Variants in BCL7B observed in about 807,000 individuals in gnomAD.
BCL7B encodes the protein BAF chromatin remodeling complex subunit BCL7B.
BCL7B carries 11 observed loss-of-function variants against 26.5 expected under a neutral mutation model. That is an observed-to-expected ratio of 0.42 (90% confidence interval 0.26 to 0.69). The LOEUF (loss-of-function observed/expected upper bound fraction) is 0.69. Ranked by LOEUF, BCL7B falls within the 30% of genes least tolerant of loss-of-function variation. The probability of loss-of-function intolerance (pLI) is 0.28; values close to 1 mark genes in which losing one functional copy is unlikely to be tolerated. For synonymous variants in BCL7B, 111 were observed against 107.9 expected (o/e 1.03, Z -0.18); for missense variants, 215 against 264.4 (o/e 0.81, Z 1.30).
At chr7:73,540,752 C>A (rs1554582764) in intron 3 of BCL7B, among the ~76,000 whole-genome samples, 1 of 139,622 alleles carries the variant, frequency 7.2e-6, no homozygotes, top group Non-Finnish European at 1.5e-5. Flanking sequence ...ATGGCATGAA[C>A]CTAGAAGGCA....
At chr7:73,557,194 G>C (rs950721309) in intron 1 of BCL7B, 1 of 1,037,938 alleles carries the variant, frequency 9.6e-7, no homozygotes, top group African/African-American at 1.7e-5. Context: ...CCGGGCGCGG[G>C]CACCGACGCC....
intron 1 of BCL7B, 36 bp from the exon 2 acceptor site, chr7:73,552,278 A>G: frequency 4.0e-6 from 6 of 1,509,274 alleles, no homozygotes; most frequent in Non-Finnish European, 4.6e-6. Context: ...GGATAAAACA[A>G]TGCAATGTGT....
At chr7:73,556,877 G>C (rs1221367174) in intron 1 of BCL7B, among the ~76,000 whole-genome samples, 1 of 152,224 alleles carries the variant, frequency 6.6e-6, no homozygotes, top group Admixed American at 6.5e-5. Flanking sequence ...AGGGAGGCTG[G>C]TACATAGTTT....
intron 3 of BCL7B, chr7:73,542,970 C>A (rs1583989515): frequency 5.4e-6 from 2 of 368,698 alleles, no homozygotes; most frequent in East Asian, 1.5e-4. Flanking sequence ...ATTCGGACAA[C>A]CAGGACCTGA....
intron 2 of BCL7B, chr7:73,543,906 TC>T (rs1380394427): frequency 2.6e-6 from 1 of 379,232 alleles, no homozygotes; most frequent in Non-Finnish European, 4.9e-6. Context: ...GACTAGAACA[TC>T]CCATAGTATC....
intron 2 of BCL7B, among the ~76,000 whole-genome samples, chr7:73,551,403 G>A (rs1792164530): frequency 6.6e-6 from 1 of 152,098 alleles, no homozygotes; most frequent in Non-Finnish European, 1.5e-5. Context: ...AGGTTCAAGC[G>A]ATTCTCCTTG....
intron 4 of BCL7B, among the ~76,000 whole-genome samples, chr7:73,539,286 C>G (rs1033249391): frequency 6.8e-6 from 1 of 147,070 alleles, no homozygotes; most frequent in African/African-American, 2.5e-5. Flanking sequence ...GAGTCTCACT[C>G]TGTTGCCCAG....
chr7:73,552,928 GTT>G (rs1480272369), intron 1 of BCL7B, among the ~76,000 whole-genome samples: 1 of 151,806 alleles, frequency 6.6e-6, no homozygotes, highest in Non-Finnish European at 1.5e-5. Flanking sequence ...CCTTTTCTTT[GTT>G]TGTTTTAGTG....
At chr7:73,537,856 A>C in intron 5 of BCL7B, 78 bp downstream of exon 5, 1 of 1,035,344 alleles carries the variant, frequency 9.7e-7, no homozygotes. Context: ...GCACCACTGC[A>C]CTCTAGTCTG....
chr7:73,540,976 G>A (rs1329107538), intron 3 of BCL7B, among the ~76,000 whole-genome samples: 2 of 151,182 alleles, frequency 1.3e-5, no homozygotes, highest in African/African-American at 2.4e-5. Context: ...GTGAAACCCC[G>A]TCTCTACTGA....
intron 2 of BCL7B, among the ~76,000 whole-genome samples, chr7:73,545,533 G>T (rs768727883): frequency 6.6e-6 from 1 of 152,042 alleles, no homozygotes; most frequent in African/African-American, 2.4e-5. Context: ...AGGAAAGGGG[G>T]TTTTCTAGCA....
chr7:73,538,905 A>G (rs1006564548), intron 4 of BCL7B, among the ~76,000 whole-genome samples: 8 of 152,014 alleles, frequency 5.3e-5, no homozygotes, highest in Non-Finnish European at 1.2e-4. Context: ...ACTTAAAGTG[A>G]CATTCATTCC....
chr7:73,537,514 G>A, intron 5 of BCL7B, 124 bp from the exon 6 acceptor site: 1 of 701,750 alleles, frequency 1.4e-6, no homozygotes, highest in South Asian at 1.7e-5. Flanking sequence ...ATCCTCCCCT[G>A]CCTACAACCC....
intron 3 of BCL7B, chr7:73,542,799 C>T (rs1791816900): frequency 2.5e-6 from 1 of 402,634 alleles, no homozygotes. Context: ...AACATACAGT[C>T]TAGGCCAGGT....
chr7:73,551,773 C>G (rs1472726327), intron 2 of BCL7B, among the ~76,000 whole-genome samples: 1 of 152,094 alleles, frequency 6.6e-6, no homozygotes, highest in African/African-American at 2.4e-5. Flanking sequence ...ATTTTCCACT[C>G]AATTCTGGGC....
rs377714484 is a variant in BCL7B, at chr7:73,557,562, A to C, written c.17T>G (p.Val6Gly). The C allele has an allele frequency of 3.1e-5, 43 of 1,374,078 alleles. 1 individual carries two copies. In the Middle Eastern group the frequency reaches 1.1e-3, roughly 35 times the overall value. The allele number at this position is 1,374,078 out of a possible 1,614,324, so 85.1% of individuals were successfully genotyped here. The change falls in exon 1 of 6, where the codon GTC becomes GGC. Residue 6 changes from valine (V) to glycine (G), a missense_variant. By Grantham distance (109) the Val-to-Gly change is moderately radical. Coordinates refer to ENST00000223368, the MANE Select transcript of BCL7B (RefSeq NM_001707.4). ...GGCCCGGCTGCGGGTCTCCGCCCGGACCGACCGGCCCGACATGGCGGCGGC... is the reference window on the plus strand; with the variant it reads ...GGCCCGGCTGCGGGTCTCCGCCCGGCCCGACCGGCCCGACATGGCGGCGGC... MSGRS[V>G]RAETRSRAKD...
At chr7:73,556,595 G>A (rs1337080959) in intron 1 of BCL7B, among the ~76,000 whole-genome samples, 3 of 152,126 alleles carry the variant, frequency 2.0e-5, no homozygotes, top group African/African-American at 7.2e-5. Flanking sequence ...TCGGAGTTCC[G>A]GATACTAAAC....
intron 2 of BCL7B, among the ~76,000 whole-genome samples, chr7:73,546,307 C>G (rs1018151169): frequency 6.6e-6 from 1 of 151,910 alleles, no homozygotes; most frequent in Non-Finnish European, 1.5e-5. Flanking sequence ...ACAGTCTGTA[C>G]CAGAAGGAGC....
At chr7:73,556,073 A>G (rs371343165) in intron 1 of BCL7B, among the ~76,000 whole-genome samples, 87 of 152,296 alleles carry the variant, frequency 5.7e-4, no homozygotes, top group African/African-American at 2.0e-3. Context: ...AATGGGGAGA[A>G]GAGAAAGGTG....
Sources: gnomAD v4.1 joint callset for allele counts (sites outside exome capture counted in the v4.1 genomes callset) on GRCh38, gnomAD v4.1.1 for gene constraint, MANE v1.5 for transcripts, NCBI Gene and HGNC (gene_info 2026-07-23, HGNC 2026-07-21) for gene names.